GRIA1: variants seen among roughly 807,000 people sequenced by gnomAD.
GRIA1 encodes the protein glutamate ionotropic receptor AMPA type subunit 1.
In GRIA1, 31 loss-of-function variants were observed where a neutral mutation model predicts 99.2. The observed-to-expected ratio is 0.31, with a 90% CI of 0.23 to 0.42. The LOEUF (loss-of-function observed/expected upper bound fraction) is 0.42. GRIA1 is among the 10% of genes least tolerant of loss of function. The probability of loss-of-function intolerance (pLI) is 1.00; values close to 1 mark genes in which losing one functional copy is unlikely to be tolerated. For missense variants in GRIA1, 782 were observed against 1,157.5 expected, an observed-to-expected ratio of 0.68 and a Z score of 4.71; for synonymous variants, 438 against 432.4, an observed-to-expected ratio of 1.01 and a Z score of -0.16.
In GRIA1 at chr5:153,517,739, C is replaced by G. The variant is rs149493502; in HGVS notation, c.220+23674C>G. Among the ~76,000 whole-genome samples the G allele has an allele frequency of 6.6e-3, 1,003 of 152,332 alleles. 9 individuals carry two copies. Among genetic ancestry groups the G allele is most frequent in the African/African-American group, 0.023 (962 of 41,570 alleles). Reference sequence around the variant, plus strand: ...AAAAATCTCTACCATAACCCCGTATCCCTCACACTGTGATCTTTTTCCCAT... The same window carrying G: ...AAAAATCTCTACCATAACCCCGTATGCCTCACACTGTGATCTTTTTCCCAT... On this transcript the variant is annotated intron_variant, in intron 2 of 15. Coordinates refer to ENST00000285900, the MANE Select transcript of GRIA1 (RefSeq NM_000827.4).
chr5:153,678,615 A>G (rs1454694545), intron 7 of GRIA1, among the ~76,000 whole-genome samples: 1 of 152,188 alleles, frequency 6.6e-6, no homozygotes, highest in African/African-American at 2.4e-5. Context: ...CAGACTCCAC[A>G]GTCGAGACAG....
At chr5:153,543,645 G>C (rs1330892178) in intron 2 of GRIA1, among the ~76,000 whole-genome samples, 3 of 152,096 alleles carry the variant, frequency 2.0e-5, no homozygotes, top group African/African-American at 7.2e-5. Flanking sequence ...CTAATCTTAA[G>C]ATTCCTTTTC....
chr5:153,736,297 C>G (rs1761373832), intron 11 of GRIA1, among the ~76,000 whole-genome samples: 1 of 152,136 alleles, frequency 6.6e-6, no homozygotes, highest in Non-Finnish European at 1.5e-5. Flanking sequence ...AGAGACTGAA[C>G]TCAAATTCCA....
At chr5:153,662,859 G>T (rs1175643751) in intron 5 of GRIA1, among the ~76,000 whole-genome samples, 2 of 152,190 alleles carry the variant, frequency 1.3e-5, no homozygotes, top group African/African-American at 4.8e-5. Context: ...GAGCTCAGAA[G>T]TGCTTCCTAC....
At position 153,493,986 on chromosome 5, in the gene GRIA1, G is replaced by T. The variant is rs751940097; in HGVS notation, c.141G>T (p.Ser47=). Residue 47 remains serine, a synonymous_variant, in exon 2 of 16, where the codon TCG becomes TCT. Coordinates refer to ENST00000285900, the MANE Select transcript of GRIA1 (RefSeq NM_000827.4). ...QEHAAFRFAL[S]QLTEPPKLLP... is the part of the protein sequence containing the mutation. Reference sequence around the variant, plus strand: ...ATGCTGCTTTTAGATTTGCTTTGTCGCAACTCACAGAGCCCCCGAAGCTGC... The same window carrying T: ...ATGCTGCTTTTAGATTTGCTTTGTCTCAACTCACAGAGCCCCCGAAGCTGC... 7.4e-6 allele frequency: 12 copies of T among 1,613,906 alleles called. No individual in the cohort carries two copies. Among genetic ancestry groups the T allele is most frequent in the Non-Finnish European group, 9.3e-6 (11 of 1,179,882 alleles).
chr5:153,570,864 A>G (rs769456295), intron 2 of GRIA1, among the ~76,000 whole-genome samples: 11 of 152,206 alleles, frequency 7.2e-5, no homozygotes, highest in Non-Finnish European at 1.3e-4. Context: ...TCCTATAGTC[A>G]AATAGAATAA....
intron 5 of GRIA1, among the ~76,000 whole-genome samples, chr5:153,657,026 G>A (rs1467537030): frequency 6.6e-6 from 1 of 152,172 alleles, no homozygotes; most frequent in African/African-American, 2.4e-5. Context: ...GTTGCAGCAT[G>A]TATCAGTACT....
chr5:153,518,552 G>T (rs887259391), intron 2 of GRIA1, among the ~76,000 whole-genome samples: 1 of 152,220 alleles, frequency 6.6e-6, no homozygotes, highest in African/African-American at 2.4e-5. Flanking sequence ...AAACTGAGAA[G>T]TCAGTAGTTT....
chr5:153,492,112 A>C, intron 1 of GRIA1: 2 of 1,415,638 alleles, frequency 1.4e-6, no homozygotes, highest in Non-Finnish European at 1.9e-6. Flanking sequence ...TCCACTAGGG[A>C]AAGTTCGCAT....
chr5:153,582,431 A>G (rs1183461841), intron 2 of GRIA1, among the ~76,000 whole-genome samples: 2 of 152,152 alleles, frequency 1.3e-5, no homozygotes, highest in Non-Finnish European at 2.9e-5. Context: ...TATTTGATCC[A>G]TTGGTAGCAC....
chr5:153,641,269 G>A (rs1048362022), intron 2 of GRIA1, among the ~76,000 whole-genome samples: 12 of 152,124 alleles, frequency 7.9e-5, no homozygotes, highest in African/African-American at 2.7e-4. Flanking sequence ...GTCGGTGTGA[G>A]AGGCCTTAAA....
intron 2 of GRIA1, among the ~76,000 whole-genome samples, chr5:153,494,637 C>A (rs1312609719): frequency 6.6e-6 from 1 of 152,112 alleles, no homozygotes; most frequent in Non-Finnish European, 1.5e-5. Context: ...GGTCATTGAG[C>A]ATCAAACAGA....
At chr5:153,631,116 T>C (rs1422885) in intron 2 of GRIA1, among the ~76,000 whole-genome samples, 35,414 of 152,208 alleles carry the variant, frequency 0.23, 4,540 homozygotes, top group Non-Finnish European at 0.3. Flanking sequence ...GTGTTGTGCA[T>C]TAGATAGATA....
intron 13 of GRIA1, among the ~76,000 whole-genome samples, chr5:153,779,622 G>A (rs1025088603): frequency 1.3e-5 from 2 of 152,114 alleles, no homozygotes; most frequent in African/African-American, 2.4e-5. Flanking sequence ...GTGCAATGGC[G>A]CAATCTCAGC....
intron 2 of GRIA1, among the ~76,000 whole-genome samples, chr5:153,513,695 C>T (rs1756329904): frequency 6.6e-6 from 1 of 152,142 alleles, no homozygotes; most frequent in Non-Finnish European, 1.5e-5. Context: ...TCTATTCTCC[C>T]ATGTATCTCT....
chr5:153,667,489 C>T lies in GRIA1; in HGVS notation c.700-7011C>T, dbSNP rs558761304. Among the ~76,000 whole-genome samples the T allele has an allele frequency of 5.3e-4, 81 of 152,322 alleles. 2 individuals carry two copies. Among genetic ancestry groups the T allele is most frequent in the Admixed American group, 5.2e-3 (80 of 15,296 alleles). The stretch of plus-strand genomic sequence containing the variant: ...CCTGTATTTGAAGCAGTTCTAACAC[C>T]TAACCTCTTTTGACCCAATGATAAT... On this transcript the variant is annotated intron_variant, in intron 5 of 15. Coordinates refer to ENST00000285900, the MANE Select transcript of GRIA1 (RefSeq NM_000827.4).
rs149430769 is a variant in GRIA1 at position 153,498,173 on chromosome 5, G to T, written c.220+4108G>T. On this transcript the variant is annotated intron_variant, in intron 2 of 15. Coordinates refer to ENST00000285900, the MANE Select transcript of GRIA1 (RefSeq NM_000827.4). ...AATATCTGGCAACACTAGGGCCCAG[G>T]TCTATGCAGCCTCAATTTGCTGAGA... 2.4e-3 allele frequency among the ~76,000 whole-genome samples: 370 copies of T among 152,250 alleles called. 4 individuals are homozygous for T. The highest frequency in any genetic ancestry group is 8.5e-3 in the African/African-American group (354 of 41,542).
At chr5:153,636,174 T>G (rs1753344642) in intron 2 of GRIA1, among the ~76,000 whole-genome samples, 1 of 152,198 alleles carries the variant, frequency 6.6e-6, no homozygotes, top group African/African-American at 2.4e-5. Flanking sequence ...CGTGTGTCCA[T>G]CCTTGCATGA....
At chr5:153,743,451 CCTTT>C (rs1761952045) in intron 11 of GRIA1, among the ~76,000 whole-genome samples, 1 of 152,150 alleles carries the variant, frequency 6.6e-6, no homozygotes, top group African/African-American at 2.4e-5. Context: ...CTTCCAAACT[CCTTT>C]CTTTTATTAG....
Sources: allele counts gnomAD v4.1 joint callset (sites outside exome capture counted in the v4.1 genomes callset), GRCh38; gene constraint gnomAD v4.1.1; transcripts MANE v1.5; gene names NCBI Gene and HGNC (gene_info 2026-07-23, HGNC 2026-07-21).